F13A1: variants seen among roughly 807,000 people sequenced by gnomAD.
The protein encoded by F13A1 is FSF, A subunit.
In F13A1, 47 loss-of-function variants were observed where a neutral mutation model predicts 80.1. The observed-to-expected ratio is 0.59, with a 90% CI of 0.46 to 0.75. The LOEUF is 0.75. F13A1 is among the 30% of genes least tolerant of loss of function. The pLI is 0.00. For synonymous variants in F13A1, 349 were observed against 344.9 expected, an observed-to-expected ratio of 1.01 and a Z score of -0.13; for missense variants, 817 against 930.4, an observed-to-expected ratio of 0.88 and a Z score of 1.59.
chr6:6,161,112 G>A (rs763179007), intron 13 of F13A1, among the ~76,000 whole-genome samples: 4 of 152,136 alleles, frequency 2.6e-5, no homozygotes, highest in Non-Finnish European at 5.9e-5. Context: ...AGGAACATGT[G>A]AGTGTCTCCT....
At chr6:6,315,085 C>G (rs1758659765) in intron 2 of F13A1, among the ~76,000 whole-genome samples, 1 of 152,210 alleles carries the variant, frequency 6.6e-6, no homozygotes. Context: ...TACAATAGAA[C>G]TGTTAAATGA....
chr6:6,175,090 C>T (rs576573313), intron 11 of F13A1, among the ~76,000 whole-genome samples: 2 of 152,228 alleles, frequency 1.3e-5, no homozygotes, highest in African/African-American at 2.4e-5. Flanking sequence ...TAGGAGGTGA[C>T]AGTGTTGGGA....
At chr6:6,226,191 G>T (rs1268810402) in intron 6 of F13A1, among the ~76,000 whole-genome samples, 1 of 152,138 alleles carries the variant, frequency 6.6e-6, no homozygotes, top group Non-Finnish European at 1.5e-5. Context: ...GTTTAGGTGG[G>T]GAGTCCAGGA....
intron 4 of F13A1, among the ~76,000 whole-genome samples, chr6:6,257,354 T>A (rs1757716689): frequency 6.6e-6 from 1 of 152,142 alleles, no homozygotes; most frequent in Admixed American, 6.5e-5. Flanking sequence ...GAGTCTGAGC[T>A]TTTTATTCTG....
chr6:6,257,291 G>C (rs1757715717), intron 4 of F13A1, among the ~76,000 whole-genome samples: 1 of 152,182 alleles, frequency 6.6e-6, no homozygotes, highest in South Asian at 2.1e-4. Flanking sequence ...GGCATACCAG[G>C]AGTAACTTCC....
intron 3 of F13A1, among the ~76,000 whole-genome samples, chr6:6,274,193 CATG>C (rs1369001110): frequency 6.6e-6 from 1 of 152,192 alleles, no homozygotes; most frequent in African/African-American, 2.4e-5. Flanking sequence ...CAGCAGCTTG[CATG>C]ATGTTTGGAA....
At chr6:6,294,589 T>C (rs571784831) in intron 3 of F13A1, among the ~76,000 whole-genome samples, 8,398 of 151,472 alleles carry the variant, frequency 0.055, 598 homozygotes, top group African/African-American at 0.17. Context: ...CACACACACA[T>C]ATATATATCC....
intron 4 of F13A1, among the ~76,000 whole-genome samples, chr6:6,262,520 C>G (rs1038641172): frequency 2.0e-5 from 3 of 152,134 alleles, no homozygotes; most frequent in African/African-American, 7.2e-5. Context: ...CCTCCACAGG[C>G]CAAGTAATGA....
At chr6:6,303,148 T>A (rs1196830775) in intron 3 of F13A1, among the ~76,000 whole-genome samples, 1 of 152,232 alleles carries the variant, frequency 6.6e-6, no homozygotes, top group South Asian at 2.1e-4. Context: ...GGATTCTCTA[T>A]TATGTCCTAC....
intron 13 of F13A1, among the ~76,000 whole-genome samples, chr6:6,156,966 G>C (rs1001733573): frequency 6.6e-6 from 1 of 152,062 alleles, no homozygotes; most frequent in African/African-American, 2.4e-5. Context: ...TAAATATTAG[G>C]AGTCTTCATT....
At chr6:6,300,524 CCT>C (rs1371766163) in intron 3 of F13A1, among the ~76,000 whole-genome samples, 1 of 152,096 alleles carries the variant, frequency 6.6e-6, no homozygotes, top group Non-Finnish European at 1.5e-5. Flanking sequence ...GTCCGTCACC[CCT>C]TTCTTTGACT....
At chr6:6,262,336 G>A (rs1757788008) in intron 4 of F13A1, among the ~76,000 whole-genome samples, 1 of 152,260 alleles carries the variant, frequency 6.6e-6, no homozygotes. Flanking sequence ...TGCAGTTAAG[G>A]TCTGGGCATT....
intron 3 of F13A1, among the ~76,000 whole-genome samples, chr6:6,298,987 T>C (rs1439799859): frequency 6.8e-6 from 1 of 147,926 alleles, no homozygotes; most frequent in Non-Finnish European, 1.5e-5. Flanking sequence ...GTAACGTATT[T>C]TATTTCTCCT....
At chr6:6,209,842 G>A (rs2113029911) in intron 8 of F13A1, among the ~76,000 whole-genome samples, 1 of 152,324 alleles carries the variant, frequency 6.6e-6, no homozygotes, top group African/African-American at 2.4e-5. Context: ...CAGAGTTGGA[G>A]AAATGGGGAG....
At chr6:6,169,731 T>A (rs1297351241) in intron 12 of F13A1, among the ~76,000 whole-genome samples, 1 of 152,196 alleles carries the variant, frequency 6.6e-6, no homozygotes, top group African/African-American at 2.4e-5. Context: ...TTAAACATCC[T>A]ACAATGCACA....
chr6:6,209,779 G>A (rs895875043), intron 8 of F13A1, among the ~76,000 whole-genome samples: 2 of 152,176 alleles, frequency 1.3e-5, no homozygotes, highest in Non-Finnish European at 2.9e-5. Flanking sequence ...CCACTTATAG[G>A]AAATGATCAG....
chr6:6,202,558 T>C (rs1761416869), intron 8 of F13A1, among the ~76,000 whole-genome samples: 1 of 152,228 alleles, frequency 6.6e-6, no homozygotes, highest in Non-Finnish European at 1.5e-5. Flanking sequence ...GGAGCCTTCA[T>C]TTGAAACTTA....
In F13A1 at chr6:6,222,669, T is replaced by C. The variant is rs74981257; in HGVS notation, c.974-498A>G. Among the ~76,000 whole-genome samples the C allele has an allele frequency of 2.9e-3, 449 of 152,342 alleles. 2 individuals carry two copies. The highest frequency in any genetic ancestry group is 0.01 in the African/African-American group (419 of 41,580). ...TTTAATAGATAACAAATTATCTGAATACCTTTCTTGCCATATGTACCTACT... is the reference window on the plus strand; with the variant it reads ...TTTAATAGATAACAAATTATCTGAACACCTTTCTTGCCATATGTACCTACT... On this transcript the variant is annotated intron_variant, in intron 7 of 14. Coordinates refer to ENST00000264870, the MANE Select transcript of F13A1 (RefSeq NM_000129.4).
At chr6:6,240,770 C>T (rs1043511043) in intron 6 of F13A1, among the ~76,000 whole-genome samples, 11 of 152,046 alleles carry the variant, frequency 7.2e-5, no homozygotes, top group Non-Finnish European at 8.8e-5. Context: ...ATAAGGTGAC[C>T]TTATGGTATT....
Sources: allele counts gnomAD v4.1 joint callset (sites outside exome capture counted in the v4.1 genomes callset), GRCh38; gene constraint gnomAD v4.1.1; transcripts MANE v1.5; gene names NCBI Gene and HGNC (gene_info 2026-07-23, HGNC 2026-07-21).